MAP3K7CL: variants seen among roughly 807,000 people sequenced by gnomAD.
MAP3K7CL encodes the protein MAP3K7 C-terminal-like protein.
In MAP3K7CL, 16 loss-of-function variants were observed where a neutral mutation model predicts 18.6. The observed-to-expected ratio is 0.86, with a 90% confidence interval of 0.58 to 1.31. The LOEUF (loss-of-function observed/expected upper bound fraction) is 1.31. Ranked by LOEUF, MAP3K7CL falls within the 50% of genes most tolerant of loss-of-function variation. The probability of loss-of-function intolerance (pLI) is 0.00; values close to 1 mark genes in which losing one functional copy is unlikely to be tolerated. For missense variants in MAP3K7CL, 163 were observed against 174.4 expected, an observed-to-expected ratio of 0.93 and a Z score of 0.37; for synonymous variants, 65 against 66.8, an observed-to-expected ratio of 0.97 and a Z score of 0.13.
upstream of MAP3K7CL, among the ~76,000 whole-genome samples, chr21:29,081,220 T>C (rs2085829278): frequency 6.6e-6 from 1 of 152,230 alleles, no homozygotes; most frequent in South Asian, 2.1e-4. Context: ...GGCCAAATTA[T>C]ATAAATTACC....
At chr21:29,159,569 C>T (rs1440338260) in intron 3 of MAP3K7CL, among the ~76,000 whole-genome samples, 1 of 152,144 alleles carries the variant, frequency 6.6e-6, no homozygotes, top group Non-Finnish European at 1.5e-5. Flanking sequence ...GAACTATTTC[C>T]CCACCACTGC....
In MAP3K7CL at chr21:29,166,459, C is replaced by T. The variant is rs141158967; in HGVS notation, c.248+6403C>T. Among the ~76,000 whole-genome samples, 787 of 152,268 alleles carry T rather than the reference C, an allele frequency of 5.2e-3. 7 individuals are homozygous for T. The highest frequency in any genetic ancestry group is 0.018 in the African/African-American group (748 of 41,546). ...ATCCTATACCCTGGCTATTGCAATT[C>T]GGTGGTTTTCAGTATATTCACAGAG... On this transcript the variant is annotated intron_variant, in intron 4 of 4. Transcript: ENST00000399928.
upstream of MAP3K7CL, among the ~76,000 whole-genome samples, chr21:29,125,863 G>A (rs576070747): frequency 6.6e-6 from 1 of 152,322 alleles, no homozygotes; most frequent in East Asian, 1.9e-4. Context: ...TCACAGTATG[G>A]AACAGGTCCC....
intron 4 of MAP3K7CL, among the ~76,000 whole-genome samples, chr21:29,116,675 A>G (rs2086510061): frequency 6.6e-6 from 1 of 152,202 alleles, no homozygotes; most frequent in African/African-American, 2.4e-5. Flanking sequence ...TTTTCTTGAT[A>G]AACAGGGAAT....
chr21:29,166,408 T>C (rs1039044900), intron 4 of MAP3K7CL, among the ~76,000 whole-genome samples: 2 of 152,376 alleles, frequency 1.3e-5, no homozygotes, highest in African/African-American at 4.8e-5. Context: ...ATTCTTCTGC[T>C]GATGGACACT....
Position 29,167,039 on chromosome 21 carries a change from A to G in MAP3K7CL, c.248+6983A>G, listed in dbSNP as rs558890416. The stretch of plus-strand genomic sequence containing the variant: ...TTGCCAGCAGTGTATCAAGGTTCCA[A>G]TTTTTCCACATCTTTGCCAACACTT... On this transcript the variant is annotated intron_variant, in intron 4 of 4. Coordinates refer to ENST00000399928, the MANE Select transcript of MAP3K7CL (RefSeq NM_001286620.2). Among the ~76,000 whole-genome samples, 8 of 152,262 alleles carry G rather than the reference A, an allele frequency of 5.3e-5. No individual in the cohort carries two copies. The South Asian group carries it at 6.2e-4, about 12-fold the overall frequency.
At chr21:29,091,681 C>T in exon 3 of MAP3K7CL, 1 of 702,274 alleles carries the variant, frequency 1.4e-6, no homozygotes, top group Non-Finnish European at 2.6e-6. Flanking sequence ...TGGAGTCTCG[C>T]TATTTTGCCC....
At chr21:29,109,183 G>A in intron 4 of MAP3K7CL, 1 of 1,535,392 alleles carries the variant, frequency 6.5e-7, no homozygotes, top group Non-Finnish European at 8.7e-7. Context: ...GCGGACTGCA[G>A]GTATGGACAT....
chr21:29,160,097 T>C, intron 4 of MAP3K7CL, 41 bp downstream of exon 4: 1 of 1,532,542 alleles, frequency 6.5e-7, no homozygotes, highest in South Asian at 1.1e-5. Context: ...GAGCACTGCC[T>C]ACTGGGCAAG....
intron 3 of MAP3K7CL, among the ~76,000 whole-genome samples, chr21:29,150,252 A>G (rs545016406): frequency 6.6e-6 from 1 of 152,286 alleles, no homozygotes; most frequent in East Asian, 1.9e-4. Flanking sequence ...CCGCAAGCCA[A>G]GATAGTGTTC....
chr21:29,151,748 A>G (rs2087281439), intron 3 of MAP3K7CL, among the ~76,000 whole-genome samples: 4 of 152,156 alleles, frequency 2.6e-5, no homozygotes, highest in African/African-American at 4.8e-5. Context: ...GGGAACTTTA[A>G]TGGTCTTCTC....
chr21:29,132,928 A>T (rs78718993), intron 1 of MAP3K7CL, among the ~76,000 whole-genome samples: 3,408 of 152,308 alleles, frequency 0.022, 132 homozygotes, highest in East Asian at 0.14. Context: ...AAGCCATCTG[A>T]TACCTTATTA....
intron 4 of MAP3K7CL, among the ~76,000 whole-genome samples, chr21:29,168,597 A>G (rs1354651385): frequency 2.6e-5 from 4 of 152,174 alleles, no homozygotes; most frequent in African/African-American, 9.7e-5. Flanking sequence ...TACACCACAT[A>G]ATTAGGTGCA....
intron 3 of MAP3K7CL, among the ~76,000 whole-genome samples, chr21:29,151,165 T>C (rs1342105248): frequency 6.6e-6 from 1 of 151,812 alleles, no homozygotes; most frequent in African/African-American, 2.4e-5. Context: ...GGTGGTGTAA[T>C]TGGGATTGCT....
In MAP3K7CL at chr21:29,099,209, G is replaced by T. The variant is rs149650893; in HGVS notation, c.370+6628G>T. ...GGGCTCAAGCAATCCTCCCACCCCA[G>T]CTTCCCAAGTAGCTGGGACTACATG... On this transcript the variant is annotated intron_variant, in intron 4 of 6. Coordinates refer to the MAP3K7CL transcript ENST00000286791. Among the ~76,000 whole-genome samples, 170 of 150,762 alleles carry T rather than the reference G, an allele frequency of 1.1e-3. 2 individuals carry two copies. The highest frequency in any genetic ancestry group is 5.2e-3 in the Admixed American group (79 of 15,108).
At chr21:29,100,782 G>A (rs776714830) in intron 4 of MAP3K7CL, among the ~76,000 whole-genome samples, 3 of 137,060 alleles carry the variant, frequency 2.2e-5, no homozygotes, top group East Asian at 4.3e-4. Flanking sequence ...GCACGATCTC[G>A]GCTCACTGCA....
chr21:29,109,251 T>C, intron 4 of MAP3K7CL: 1 of 1,534,920 alleles, frequency 6.5e-7, no homozygotes, highest in South Asian at 1.2e-5. Context: ...AAATTCCATA[T>C]ATACAACCAG....
chr21:29,090,446 T>A (rs920289419), intron 1 of MAP3K7CL, among the ~76,000 whole-genome samples: 4 of 152,010 alleles, frequency 2.6e-5, no homozygotes, highest in African/African-American at 9.7e-5. Context: ...AGTGGTGCAA[T>A]CTCAGCTCAC....
At chr21:29,111,575 G>A (rs1449961452) in intron 4 of MAP3K7CL, among the ~76,000 whole-genome samples, 1 of 152,116 alleles carries the variant, frequency 6.6e-6, no homozygotes, top group African/African-American at 2.4e-5. Context: ...TTTGCATTGT[G>A]GATTTTGAGA....
Sources: gnomAD v4.1 joint callset for allele counts (sites outside exome capture counted in the v4.1 genomes callset) on GRCh38, gnomAD v4.1.1 for gene constraint, MANE v1.5 for transcripts, NCBI Gene and HGNC (gene_info 2026-07-23, HGNC 2026-07-21) for gene names.